The following MATCAP2 variants were observed in gnomAD, a reference collection of about 807,000 sequenced individuals.
MATCAP2 encodes the protein putative tyrosine carboxypeptidase MATCAP2.
the MATCAP2 span, chr7:36,367,288 C>A: frequency 3.2e-5 from 33 of 1,035,666 alleles, no homozygotes; most frequent in Non-Finnish European, 3.7e-5. Context: ...CTGCGCGCCG[C>A]TGGGGGCGCT....
At chr7:36,368,010 G>A in the MATCAP2 span, among the ~76,000 whole-genome samples, 1 of 151,618 alleles carries the variant, frequency 6.6e-6, no homozygotes, top group African/African-American at 2.4e-5. Flanking sequence ...AATGTAGTGA[G>A]CCATGATCGC....
the MATCAP2 span, among the ~76,000 whole-genome samples, chr7:36,337,125 A>AAAAAAAAAAAAAAAAAAAAAAAAT: frequency 6.9e-6 from 1 of 145,554 alleles, no homozygotes; most frequent in Non-Finnish European, 1.5e-5. Context: ...AAAAAAAAAA[A>AAAAAAAAAAAAAAAAAAAAAAAAT]GCAATCAGTC....
chr7:36,347,006 A>G, the MATCAP2 span, among the ~76,000 whole-genome samples: 147,774 of 152,236 alleles, frequency 0.97, 71,886 homozygotes, highest in East Asian at 1. Context: ...TGATCCACCC[A>G]CCTTGGCCCC....
the MATCAP2 span, chr7:36,367,246 C>T: frequency 9.1e-7 from 1 of 1,097,710 alleles, no homozygotes; most frequent in Non-Finnish European, 1.1e-6. Context: ...GAAACTGCCC[C>T]CGGGGTCCGC....
At chr7:36,357,228 T>G in the MATCAP2 span, 1 of 1,614,162 alleles carries the variant, frequency 6.2e-7, no homozygotes, top group South Asian at 1.1e-5. Flanking sequence ...TTTACAGGAC[T>G]TGACACTGAA....
chr7:36,384,057 A>T, the MATCAP2 span: 8 of 341,442 alleles, frequency 2.3e-5, no homozygotes, highest in Non-Finnish European at 4.0e-5. Context: ...ATAAAATACA[A>T]ATGTGTGTGA....
At chr7:36,380,555 C>A in the MATCAP2 span, among the ~76,000 whole-genome samples, 6 of 152,290 alleles carry the variant, frequency 3.9e-5, no homozygotes, top group South Asian at 6.2e-4. Context: ...AAAATAGTTT[C>A]TCTTGAGTCT....
chr7:36,343,546 A>G, the MATCAP2 span, among the ~76,000 whole-genome samples: 2 of 6,216 alleles, frequency 3.2e-4, no homozygotes, highest in Non-Finnish European at 2.7e-4. Context: ...AGGGGAGAGG[A>G]GGGGAGGGAA....
chr7:36,366,974 G>A, the MATCAP2 span: 1 of 1,340,982 alleles, frequency 7.5e-7, no homozygotes, highest in Non-Finnish European at 9.5e-7. Context: ...CGGGCTCCGC[G>A]GGCTCAGGGG....
the MATCAP2 span, chr7:36,356,588 T>TA: frequency 1.9e-6 from 1 of 522,936 alleles, no homozygotes; most frequent in Non-Finnish European, 3.4e-6. Context: ...CACTTGTCTG[T>TA]AGGCGGCTAA....
chr7:36,389,501 T>C, the MATCAP2 span, among the ~76,000 whole-genome samples: 5 of 152,162 alleles, frequency 3.3e-5, no homozygotes, highest in South Asian at 2.1e-4. Context: ...ATGCTGGGAT[T>C]ATAAGCATGC....
chr7:36,377,740 A>G, the MATCAP2 span, among the ~76,000 whole-genome samples: 2 of 152,210 alleles, frequency 1.3e-5, no homozygotes, highest in East Asian at 1.9e-4. Flanking sequence ...AGGTACACCA[A>G]TCAAAAATAG....
At chr7:36,377,255 C>T in the MATCAP2 span, among the ~76,000 whole-genome samples, 5 of 152,136 alleles carry the variant, frequency 3.3e-5, no homozygotes, top group African/African-American at 4.8e-5. Flanking sequence ...CTCCTTTCCA[C>T]GTTTAGTGCT....
At chr7:36,362,793 T>C in the MATCAP2 span, among the ~76,000 whole-genome samples, 2 of 152,186 alleles carry the variant, frequency 1.3e-5, no homozygotes, top group African/African-American at 4.8e-5. Context: ...CTTTGTTAGA[T>C]TAATATCCAC....
At chr7:36,351,941 TAA>T in the MATCAP2 span, among the ~76,000 whole-genome samples, 5,625 of 115,278 alleles carry the variant, frequency 0.049, 167 homozygotes, top group Middle Eastern at 0.085. Context: ...GGGAGATTGT[TAA>T]AAAAAAAAAA....
At chr7:36,356,241 A>T in the MATCAP2 span, 2 of 153,254 alleles carry the variant, frequency 1.3e-5, no homozygotes, top group Non-Finnish European at 2.9e-5. Context: ...GAGGCCAGGC[A>T]TGGTGGCTCA....
At chr7:36,364,659 G>A in the MATCAP2 span, among the ~76,000 whole-genome samples, 1 of 152,098 alleles carries the variant, frequency 6.6e-6, no homozygotes, top group Non-Finnish European at 1.5e-5. Flanking sequence ...CCAGAAAGAA[G>A]AACATGGCCA....
the MATCAP2 span, among the ~76,000 whole-genome samples, chr7:36,363,101 G>GA: frequency 2.0e-5 from 3 of 152,128 alleles, no homozygotes; most frequent in Admixed American, 6.6e-5. Context: ...GACGGTTGAG[G>GA]AAAAAATTAT....
chr7:36,339,948 G>A, the MATCAP2 span, among the ~76,000 whole-genome samples: 2 of 152,182 alleles, frequency 1.3e-5, no homozygotes, highest in African/African-American at 2.4e-5. Context: ...TGCCCAGGCT[G>A]TTCTCAAATT....
Sources: allele counts gnomAD v4.1 joint callset (sites outside exome capture counted in the v4.1 genomes callset), GRCh38; gene constraint gnomAD v4.1.1; transcripts MANE v1.5; gene names NCBI Gene and HGNC (gene_info 2026-07-23, HGNC 2026-07-21).